SNAP25: variants seen among roughly 807,000 people sequenced by gnomAD.
SNAP25 encodes synaptosome associated protein 25, also known as synaptosomal-associated protein 25.
SNAP25 carries 3 observed loss-of-function variants against 28.7 expected under a neutral mutation model. That is an observed-to-expected ratio of 0.10 (90% CI 0.05 to 0.27). The LOEUF (loss-of-function observed/expected upper bound fraction) is 0.27, where lower values mean the gene tolerates loss of function less well. Among genes scored for constraint, SNAP25 ranks in the 10% least tolerant of loss-of-function variants. The pLI, the probability that SNAP25 is intolerant of heterozygous loss-of-function variation, is 1.00. For missense variants in SNAP25, 117 were observed against 278.7 expected (o/e 0.42, Z 4.13); for synonymous variants, 61 against 88.1 (o/e 0.69, Z 1.72).
chr20:10,241,620 AAGG>A (rs1455219503), intron 1 of SNAP25, among the ~76,000 whole-genome samples: 1 of 152,118 alleles, frequency 6.6e-6, no homozygotes, highest in Non-Finnish European at 1.5e-5. Flanking sequence ...AGGTCTCTCC[AAGG>A]AGGAGATGTT....
At chr20:10,269,317 A>C (rs1454684234) in intron 1 of SNAP25, among the ~76,000 whole-genome samples, 5 of 152,108 alleles carry the variant, frequency 3.3e-5, no homozygotes, top group African/African-American at 7.2e-5. Context: ...CTGAGGTTGC[A>C]CTTGAACCCG....
At chr20:10,302,638 T>A (rs1476615435) in intron 7 of SNAP25, among the ~76,000 whole-genome samples, 1 of 152,122 alleles carries the variant, frequency 6.6e-6, no homozygotes, top group East Asian at 1.9e-4. Flanking sequence ...TGTTGGGCAC[T>A]CCAGCAAATT....
chr20:10,255,725 C>T (rs1332621778), intron 1 of SNAP25, among the ~76,000 whole-genome samples: 1 of 152,152 alleles, frequency 6.6e-6, no homozygotes, highest in Admixed American at 6.5e-5. Flanking sequence ...GAATATTTTT[C>T]TGTTTTCTTG....
intron 1 of SNAP25, among the ~76,000 whole-genome samples, chr20:10,273,721 C>T (rs1447444256): frequency 6.6e-6 from 1 of 152,206 alleles, no homozygotes; most frequent in Non-Finnish European, 1.5e-5. Flanking sequence ...TAATTCCTGG[C>T]TGCACAGCCA....
At chr20:10,282,586 T>C (rs528229295) in intron 3 of SNAP25, among the ~76,000 whole-genome samples, 26 of 152,286 alleles carry the variant, frequency 1.7e-4, no homozygotes, top group Non-Finnish European at 3.4e-4. Flanking sequence ...ATGGGTATAA[T>C]AGAATATCAA....
intron 1 of SNAP25, among the ~76,000 whole-genome samples, chr20:10,251,198 A>G: frequency 6.6e-6 from 1 of 152,216 alleles, no homozygotes. Flanking sequence ...ATGCTGGTGG[A>G]GTGACCTGTC....
At chr20:10,272,473 G>T (rs566217070) in intron 1 of SNAP25, among the ~76,000 whole-genome samples, 141 of 152,250 alleles carry the variant, frequency 9.3e-4, no homozygotes, top group African/African-American at 3.2e-3. Flanking sequence ...TTATTCTGGA[G>T]GGTAGATCCC....
intron 2 of SNAP25, 27 bp downstream of exon 2, chr20:10,275,590 G>A (rs1185788742): frequency 3.2e-6 from 5 of 1,568,370 alleles, no homozygotes; most frequent in Non-Finnish European, 3.5e-6. Context: ...TAGGAAGGGA[G>A]GCAAAAGATG....
intron 1 of SNAP25, among the ~76,000 whole-genome samples, chr20:10,228,867 G>A (rs2062777879): frequency 6.6e-6 from 1 of 152,044 alleles, no homozygotes; most frequent in African/African-American, 2.4e-5. Context: ...TTATTGTTGT[G>A]TTTGCTTAAA....
chr20:10,241,313 C>T lies in SNAP25; in HGVS notation c.-64+22336C>T, dbSNP rs372019413. On this transcript the variant is annotated intron_variant, in intron 1 of 7. Transcript: ENST00000254976. ...GGCTCCGTACCCCAGCTGCTCATCA[C>T]CCTCATCATCTTCATCATGCACAGT... Among the ~76,000 whole-genome samples, 13 of 152,214 alleles carry T rather than the reference C, an allele frequency of 8.5e-5. No individual in the cohort carries two copies. The South Asian group carries it at 2.7e-3, about 32-fold the overall frequency.
intron 1 of SNAP25, among the ~76,000 whole-genome samples, chr20:10,227,516 A>T (rs1031848485): frequency 6.6e-6 from 1 of 152,152 alleles, no homozygotes; most frequent in African/African-American, 2.4e-5. Flanking sequence ...TTGCACATAG[A>T]TTCATCCTAA....
At chr20:10,259,124 T>C (rs2063368672) in intron 1 of SNAP25, among the ~76,000 whole-genome samples, 1 of 152,166 alleles carries the variant, frequency 6.6e-6, no homozygotes, top group African/African-American at 2.4e-5. Flanking sequence ...TACAAAGATA[T>C]ATGTATGGCA....
At chr20:10,279,647 T>TG (rs2063747514) in intron 3 of SNAP25, among the ~76,000 whole-genome samples, 1 of 152,228 alleles carries the variant, frequency 6.6e-6, no homozygotes, top group Non-Finnish European at 1.5e-5. Context: ...TAATTTATTC[T>TG]GGGGGAAAAT....
At chr20:10,286,469 C>T (rs544968951) in intron 4 of SNAP25, among the ~76,000 whole-genome samples, 20 of 152,230 alleles carry the variant, frequency 1.3e-4, no homozygotes, top group African/African-American at 4.8e-4. Flanking sequence ...AGCCCTCGGC[C>T]AGGCCAATGG....
intron 3 of SNAP25, among the ~76,000 whole-genome samples, chr20:10,283,455 T>C (rs1257224635): frequency 1.3e-5 from 2 of 152,162 alleles, no homozygotes; most frequent in African/African-American, 4.8e-5. Flanking sequence ...CCATACTACA[T>C]CCTGACTTTG....
In SNAP25 at chr20:10,275,520, A is replaced by G; in HGVS notation, c.29A>G (p.Glu10Gly). The G allele has an allele frequency of 6.2e-7, 1 of 1,606,328 alleles. No individual in the cohort carries two copies. The highest frequency in any genetic ancestry group is 8.5e-7 in the Non-Finnish European group (1 of 1,176,056). The change falls in exon 2 of 8, where the codon GAG becomes GGG. Residue 10 changes from glutamate (E) to glycine (G), a missense_variant. By Grantham distance (98) the Glu-to-Gly change is moderately conservative (BLOSUM62 -2). Around this residue, in one of 3 missense-constraint regions of SNAP25, gnomAD observed 29 missense variants for 53.5 expected, o/e 0.54. Coordinates refer to ENST00000254976, the MANE Select transcript of SNAP25 (RefSeq NM_130811.4). The stretch of plus-strand genomic sequence containing the variant: ...GCCGAAGACGCAGACATGCGCAATG[A>G]GCTGGAGGAGATGCAGCGAAGGGCT... MAEDADMRN[E>G]LEEMQRRADQ...
At chr20:10,262,455 G>A (rs1285838622) in intron 1 of SNAP25, among the ~76,000 whole-genome samples, 1 of 152,150 alleles carries the variant, frequency 6.6e-6, no homozygotes, top group Non-Finnish European at 1.5e-5. Flanking sequence ...TCTGAATGTG[G>A]AGTCTTCAAA....
chr20:10,299,536 A>G, intron 7 of SNAP25, 124 bp downstream of exon 7: 1 of 968,416 alleles, frequency 1.0e-6, no homozygotes, highest in Non-Finnish European at 1.5e-6. Context: ...TGATAGCTGG[A>G]AATGTTCTTC....
At chr20:10,266,616 G>A (rs2063510883) in intron 1 of SNAP25, among the ~76,000 whole-genome samples, 1 of 152,216 alleles carries the variant, frequency 6.6e-6, no homozygotes, top group South Asian at 2.1e-4. Flanking sequence ...TGATTGGATT[G>A]AGTTTGATCA....
Sources: allele counts gnomAD v4.1 joint callset (sites outside exome capture counted in the v4.1 genomes callset), GRCh38; gene constraint gnomAD v4.1.1; regional missense constraint gnomAD v4.1.1; transcripts MANE v1.5; gene names NCBI Gene and HGNC (gene_info 2026-07-23, HGNC 2026-07-21).